POU2F3: variants seen among roughly 807,000 people sequenced by gnomAD.
POU2F3 encodes the protein POU class 2 homeobox 3, also known as POU domain, class 2, transcription factor 3.
In POU2F3, 23 loss-of-function variants were observed where a neutral mutation model predicts 59.2. The observed-to-expected ratio is 0.39, with a 90% confidence interval of 0.28 to 0.55. The LOEUF (loss-of-function observed/expected upper bound fraction) is 0.55. POU2F3 is among the 20% of genes least tolerant of loss of function. The probability of loss-of-function intolerance (pLI) is 0.66; values close to 1 mark genes in which losing one functional copy is unlikely to be tolerated. For synonymous variants in POU2F3, 190 were observed against 214.6 expected (o/e 0.89, Z 1.00); for missense variants, 473 against 544.5 (o/e 0.87, Z 1.31).
rs1264683355 is a variant in POU2F3 at position 120,305,020 on chromosome 11, T to C, written c.445-10T>C. ...TTCGTGGTGGATCTGCTTGGCGTGT[T>C]TCCTATCAGGCATTTGGGCACCCTG... On this transcript the variant is annotated splice_polypyrimidine_tract_variant and intron_variant, in intron 6 of 12. Transcript: ENST00000543440. The C allele has an allele frequency of 6.3e-7, 1 of 1,590,714 alleles. No individual in the cohort carries two copies. The highest frequency in any genetic ancestry group is 1.7e-5 in the Admixed American group (1 of 57,354).
intron 3 of POU2F3, among the ~76,000 whole-genome samples, chr11:120,284,723 C>G (rs1404212791): frequency 6.6e-6 from 1 of 152,204 alleles, no homozygotes; most frequent in African/African-American, 2.4e-5. Context: ...TCCAGTGACA[C>G]ATGACATCAC....
intron 3 of POU2F3, among the ~76,000 whole-genome samples, chr11:120,279,021 G>A (rs1940452096): frequency 6.6e-6 from 1 of 152,170 alleles, no homozygotes; most frequent in Non-Finnish European, 1.5e-5. Flanking sequence ...CGGGCATTGA[G>A]TATAAAAGGG....
intron 3 of POU2F3, among the ~76,000 whole-genome samples, chr11:120,272,105 C>G (rs762121700): frequency 6.6e-6 from 1 of 152,168 alleles, no homozygotes; most frequent in Admixed American, 6.5e-5. Context: ...CCGCCAGGCT[C>G]GGGGCAAGGC....
intron 3 of POU2F3, among the ~76,000 whole-genome samples, chr11:120,277,658 T>G (rs1940389415): frequency 6.6e-6 from 1 of 151,900 alleles, no homozygotes; most frequent in South Asian, 2.1e-4. Context: ...GGCTTATGCC[T>G]GTAGACCCAG....
intron 2 of POU2F3, among the ~76,000 whole-genome samples, chr11:120,263,696 G>T (rs951357144): frequency 1.3e-5 from 2 of 152,210 alleles, no homozygotes; most frequent in Non-Finnish European, 2.9e-5. Flanking sequence ...GCCTCAGGAA[G>T]GTGTTTTCCC....
At chr11:120,268,017 T>G (rs1565365316) in intron 2 of POU2F3, among the ~76,000 whole-genome samples, 2 of 152,012 alleles carry the variant, frequency 1.3e-5, no homozygotes, top group Non-Finnish European at 2.9e-5. Context: ...AAAATGACTC[T>G]GCTAACAATA....
intron 3 of POU2F3, among the ~76,000 whole-genome samples, chr11:120,273,522 A>G (rs867231324): frequency 9.2e-5 from 14 of 152,336 alleles, no homozygotes; most frequent in Admixed American, 2.6e-4. Context: ...AATGCCTAGC[A>G]AAGAAGTCTG....
At chr11:120,252,310 G>A (rs565862579) in intron 2 of POU2F3, among the ~76,000 whole-genome samples, 74 of 149,762 alleles carry the variant, frequency 4.9e-4, no homozygotes, top group South Asian at 2.7e-3. Flanking sequence ...AGGTTTAAGC[G>A]ATTCTCCTGC....
intron 3 of POU2F3, among the ~76,000 whole-genome samples, chr11:120,276,463 T>G (rs944538674): frequency 5.3e-5 from 8 of 151,940 alleles, no homozygotes; most frequent in African/African-American, 7.3e-5. Context: ...GGATGAGAAC[T>G]GAGGGCTGAA....
chr11:120,305,314 G>T, intron 7 of POU2F3, 102 bp downstream of exon 7: 1 of 1,344,098 alleles, frequency 7.4e-7, no homozygotes, highest in South Asian at 1.5e-5. Flanking sequence ...CGATGTGTTT[G>T]GGGTCTCCTC....
intron 1 of POU2F3, among the ~76,000 whole-genome samples, chr11:120,242,509 C>T (rs750612991): frequency 1.1e-4 from 16 of 152,186 alleles, no homozygotes; most frequent in Non-Finnish European, 1.5e-4. Context: ...TCCTACTGAT[C>T]TTGATAAATA....
chr11:120,237,066 G>C (rs1431198621), upstream of POU2F3, among the ~76,000 whole-genome samples: 1 of 152,168 alleles, frequency 6.6e-6, no homozygotes, highest in Non-Finnish European at 1.5e-5. Context: ...CTAAAATCCT[G>C]GCTTTGGGGT....
chr11:120,294,109 A>C (rs1941118667), intron 3 of POU2F3, among the ~76,000 whole-genome samples: 3 of 152,208 alleles, frequency 2.0e-5, no homozygotes, highest in South Asian at 4.1e-4. Context: ...TCCTTCCAGA[A>C]TGAGGCTACT....
chr11:120,269,373 G>A, intron 3 of POU2F3, 129 bp downstream of exon 3: 1 of 753,052 alleles, frequency 1.3e-6, no homozygotes, highest in Non-Finnish European at 2.1e-6. Context: ...AACCTTTCAG[G>A]ATCAAAGGAC....
In POU2F3 at chr11:120,298,297, G is replaced by C. The variant is rs1941247761; in HGVS notation, c.165G>C (p.Gln55His). 6.2e-7 allele frequency: 1 copy of C among 1,613,540 alleles called. No individual in the cohort carries two copies. The highest frequency in any genetic ancestry group is 1.3e-5 in the African/African-American group (1 of 74,872). ...IKTEDLSDSL[Q>H]QTLSHRPCHL... ...CCGAAGATCTCAGTGACTCCCTGCAGCAGACCCTCTCCCATCGGCCATGCC... is the reference window on the plus strand; with the variant it reads ...CCGAAGATCTCAGTGACTCCCTGCACCAGACCCTCTCCCATCGGCCATGCC... Residue 55 changes from glutamine to histidine, a missense_variant, in exon 4 of 13, where the codon CAG becomes CAC. Gln to His is a conservative substitution (Grantham distance 24, BLOSUM62 0). Transcript: ENST00000543440.
chr11:120,279,795 CT>C (rs771360973), intron 3 of POU2F3, among the ~76,000 whole-genome samples: 1 of 152,216 alleles, frequency 6.6e-6, no homozygotes, highest in Non-Finnish European at 1.5e-5. Context: ...TGTCTGAGTT[CT>C]CCAGAAGCCT....
chr11:120,246,408 A>G (rs1173416164), intron 1 of POU2F3, 41 bp from the exon 2 acceptor site: 4 of 1,604,968 alleles, frequency 2.5e-6, no homozygotes, highest in Non-Finnish European at 3.4e-6. Flanking sequence ...AGCAAGAAAA[A>G]TTGTGACCTG....
At chr11:120,304,619 C>CAA (rs76200914) in intron 6 of POU2F3, among the ~76,000 whole-genome samples, 2 of 151,854 alleles carry the variant, frequency 1.3e-5, no homozygotes, top group Non-Finnish European at 2.9e-5. Context: ...AAACAAAAAA[C>CAA]AAAAAAACAA....
chr11:120,313,756 G>A (rs946077794), intron 10 of POU2F3, among the ~76,000 whole-genome samples: 6 of 152,222 alleles, frequency 3.9e-5, no homozygotes, highest in Non-Finnish European at 7.3e-5. Context: ...GCTCACGCCT[G>A]TAATCCCAGC....
Sources: allele counts gnomAD v4.1 joint callset (sites outside exome capture counted in the v4.1 genomes callset), GRCh38; gene constraint gnomAD v4.1.1; transcripts MANE v1.5; gene names NCBI Gene and HGNC (gene_info 2026-07-23, HGNC 2026-07-21).